The following HTN1 variants were observed in gnomAD, a reference collection of about 807,000 sequenced individuals.
The protein encoded by HTN1 is histatin-1.
In HTN1, 18 loss-of-function variants were observed where a neutral mutation model predicts 11.2. That is an observed-to-expected ratio of 1.61 (90% CI 1.12 to 2.39). The LOEUF is 2.39. Ranked by LOEUF, HTN1 falls within the 30% of genes most tolerant of loss-of-function variation. The pLI is 0.00. For synonymous variants in HTN1, 21 were observed against 20.5 expected, an observed-to-expected ratio of 1.02 and a Z score of -0.07; for missense variants, 80 against 67.2, an observed-to-expected ratio of 1.19 and a Z score of -0.67.
intron 2 of HTN1, among the ~76,000 whole-genome samples, chr4:70,053,664 T>C (rs1725956331): frequency 6.6e-6 from 1 of 152,200 alleles, no homozygotes; most frequent in Admixed American, 6.6e-5. Flanking sequence ...TATTGTCATT[T>C]ACTACTGTGT....
In HTN1 at chr4:70,051,696, T is replaced by G. The variant is rs6811085; in HGVS notation, c.-14+1201T>G. 4.6e-5 allele frequency among the ~76,000 whole-genome samples: 7 copies of G among 152,182 alleles called. No homozygotes were observed. In the East Asian group the frequency reaches 1.4e-3, roughly 29 times the overall value. Reference sequence around the variant, plus strand: ...TCCTATAGTAGAAGTTTCCATTTAATTGAGTGAAGCAAAATAAACGAATAA... The same window carrying G: ...TCCTATAGTAGAAGTTTCCATTTAAGTGAGTGAAGCAAAATAAACGAATAA... On this transcript the variant is annotated intron_variant, in intron 1 of 5. Transcript: ENST00000246896.
chr4:70,054,531 T>C, intron 4 of HTN1, 81 bp downstream of exon 4: 2 of 904,134 alleles, frequency 2.2e-6, no homozygotes, highest in Non-Finnish European at 3.5e-6. Context: ...TCAATAGTTG[T>C]CTCTCAAATA....
intron 1 of HTN1, among the ~76,000 whole-genome samples, chr4:70,052,299 G>A (rs575903301): frequency 3.7e-4 from 57 of 152,168 alleles, no homozygotes; most frequent in Non-Finnish European, 4.6e-4. Context: ...TTATTATAAA[G>A]CCAGTCTCCA....
intron 2 of HTN1, among the ~76,000 whole-genome samples, chr4:70,053,348 T>C (rs1406582891): frequency 6.6e-6 from 1 of 152,150 alleles, no homozygotes; most frequent in East Asian, 1.9e-4. Flanking sequence ...GTACAATTAC[T>C]TGAATGTAAA....
intron 5 of HTN1, chr4:70,055,809 GT>G (rs1037772073): frequency 2.2e-4 from 87 of 396,576 alleles, no homozygotes; most frequent in Admixed American, 4.3e-4. Context: ...TCTGTATGTT[GT>G]TTTGGTACTG....
At chr4:70,056,698 C>T (rs1464642836) in intron 5 of HTN1, 6 of 152,004 alleles carry the variant, frequency 3.9e-5, no homozygotes, top group Non-Finnish European at 7.4e-5. Flanking sequence ...AAGACAAAAA[C>T]AAACAACCCC....
intron 1 of HTN1, chr4:70,052,808 G>T: frequency 7.0e-5 from 18 of 257,822 alleles, no homozygotes; most frequent in Non-Finnish European, 9.7e-5. Context: ...AAAAAAAAAA[G>T]AAAGAAAAAA....
At chr4:70,056,233 G>A (rs1270771752) in intron 5 of HTN1, 1 of 151,682 alleles carries the variant, frequency 6.6e-6, no homozygotes, top group East Asian at 1.9e-4. Flanking sequence ...TTCATGATTT[G>A]GGTCTCTGCT....
At chr4:70,054,254 T>C in intron 2 of HTN1, 68 bp from the exon 3 acceptor site, 1 of 993,096 alleles carries the variant, frequency 1.0e-6, no homozygotes, top group Non-Finnish European at 1.5e-6. Flanking sequence ...GCTAAGTCAA[T>C]ATTTATACTT....
At chr4:70,051,835 A>G (rs1383013976) in intron 1 of HTN1, among the ~76,000 whole-genome samples, 1 of 152,122 alleles carries the variant, frequency 6.6e-6, no homozygotes, top group East Asian at 1.9e-4. Flanking sequence ...CTGTAATGTT[A>G]TATCACAAAT....
At chr4:70,051,634 A>G (rs1443579539) in intron 1 of HTN1, among the ~76,000 whole-genome samples, 1 of 152,136 alleles carries the variant, frequency 6.6e-6, no homozygotes, top group Non-Finnish European at 1.5e-5. Context: ...ATATTAGGTA[A>G]TAGAAAAACT....
chr4:70,053,197 T>G, intron 2 of HTN1, 70 bp downstream of exon 2: 1 of 1,005,062 alleles, frequency 9.9e-7, no homozygotes, highest in South Asian at 1.3e-5. Context: ...TTATTCCTTG[T>G]GTTCTGGTAT....
At chr4:70,053,298 A>T (rs1274001955) in intron 2 of HTN1, among the ~76,000 whole-genome samples, 171 bp downstream of exon 2, 2 of 152,164 alleles carry the variant, frequency 1.3e-5, no homozygotes, top group Admixed American at 1.3e-4. Flanking sequence ...TTCTTTAAGG[A>T]CTTGGAATAG....
At chr4:70,051,465 T>A (rs528919280) in intron 1 of HTN1, among the ~76,000 whole-genome samples, 1 of 152,242 alleles carries the variant, frequency 6.6e-6, no homozygotes, top group East Asian at 1.9e-4. Context: ...GTATATTGAT[T>A]ATCTATGTTC....
intron 2 of HTN1, among the ~76,000 whole-genome samples, chr4:70,054,003 T>C (rs1318146847): frequency 6.6e-6 from 1 of 152,122 alleles, no homozygotes; most frequent in Non-Finnish European, 1.5e-5. Context: ...ATGGAACATA[T>C]TCATATAAAA....
intron 5 of HTN1, chr4:70,057,258 C>G (rs1726067141): frequency 6.6e-6 from 1 of 152,112 alleles, no homozygotes; most frequent in African/African-American, 2.4e-5. Flanking sequence ...AAGCTGGAAG[C>G]CATCATCCTC....
At chr4:70,057,863 T>TA (rs1726082324) in intron 5 of HTN1, 1 of 152,250 alleles carries the variant, frequency 6.6e-6, no homozygotes, top group East Asian at 1.9e-4. Context: ...TGGGAACTCA[T>TA]AAAAAATTTA....
At chr4:70,057,656 A>C (rs1202210682) in intron 5 of HTN1, 1 of 152,154 alleles carries the variant, frequency 6.6e-6, no homozygotes, top group Non-Finnish European at 1.5e-5. Flanking sequence ...TTTCTAATCG[A>C]CAAATACATA....
Position 70,053,018 on chromosome 4 carries a change from T to C in HTN1, c.-13-46T>C, listed in dbSNP as rs2109726961. 3 of 1,093,748 alleles carry C rather than the reference T, an allele frequency of 2.7e-6. No individual in the cohort carries two copies. The East Asian group carries it at 7.1e-5, about 26-fold the overall frequency. 67.8% of individuals were successfully genotyped at this position (1,093,748 alleles called of 1,614,324 possible). ...CATCAATAGAAGTTTGATGAATGAA[T>C]GCATGAAAGAATGTGATTACTGATT... On this transcript the variant is annotated intron_variant, in intron 1 of 5. Transcript: ENST00000246896.
Sources: gnomAD v4.1 joint callset for allele counts (sites outside exome capture counted in the v4.1 genomes callset) on GRCh38, gnomAD v4.1.1 for gene constraint, MANE v1.5 for transcripts, NCBI Gene and HGNC (gene_info 2026-07-23, HGNC 2026-07-21) for gene names.